Variants in PIAS1 observed in about 807,000 individuals in gnomAD.
PIAS1 encodes E3 SUMO-protein ligase PIAS1.
In PIAS1, 6 loss-of-function variants were observed where a neutral mutation model predicts 71.3. The observed-to-expected ratio is 0.08, with a 90% CI of 0.05 to 0.17. The LOEUF (loss-of-function observed/expected upper bound fraction) is 0.17. Among genes scored for constraint, PIAS1 ranks in the 10% least tolerant of loss-of-function variants. The pLI is 1.00. For missense variants in PIAS1, 555 were observed against 793.6 expected (o/e 0.70, Z 3.61); for synonymous variants, 303 against 292.9 (o/e 1.03, Z -0.35).
intron 8 of PIAS1, among the ~76,000 whole-genome samples, chr15:68,169,757 T>C (rs2092979402): frequency 2.0e-5 from 3 of 152,206 alleles, no homozygotes; most frequent in African/African-American, 4.8e-5. Context: ...AAAGCAAATA[T>C]GTTTCTGTAC....
intron 1 of PIAS1, among the ~76,000 whole-genome samples, chr15:68,058,421 G>T (rs749627087): frequency 4.6e-5 from 7 of 152,150 alleles, no homozygotes; most frequent in Non-Finnish European, 7.4e-5. Flanking sequence ...TATAGATAGA[G>T]AAAGTGAGCC....
chr15:68,122,639 G>C (rs965113728), intron 2 of PIAS1, among the ~76,000 whole-genome samples: 5 of 151,934 alleles, frequency 3.3e-5, no homozygotes, highest in African/African-American at 9.7e-5. Context: ...ATTTTATTTT[G>C]GTTGGTTTTA....
At chr15:68,062,692 CTG>C (rs1190585911) in intron 1 of PIAS1, among the ~76,000 whole-genome samples, 1 of 152,044 alleles carries the variant, frequency 6.6e-6, no homozygotes, top group East Asian at 1.9e-4. Flanking sequence ...ATGTGTATGT[CTG>C]TATAATATTT....
intron 7 of PIAS1, among the ~76,000 whole-genome samples, chr15:68,161,401 T>A (rs1386313500): frequency 1.3e-5 from 2 of 151,932 alleles, no homozygotes; most frequent in Non-Finnish European, 2.9e-5. Context: ...TCCAGTCTAA[T>A]CAAGATCCCG....
chr15:68,130,995 A>G (rs914226457), intron 2 of PIAS1, among the ~76,000 whole-genome samples: 3 of 152,168 alleles, frequency 2.0e-5, no homozygotes, highest in South Asian at 2.1e-4. Context: ...CTCTAGGGTT[A>G]TATTACCTAG....
At chr15:68,084,900 C>T (rs1273715474) in intron 1 of PIAS1, among the ~76,000 whole-genome samples, 1 of 152,152 alleles carries the variant, frequency 6.6e-6, no homozygotes, top group Non-Finnish European at 1.5e-5. Context: ...CCTACCAAGG[C>T]TAATGGCCAA....
intron 1 of PIAS1, among the ~76,000 whole-genome samples, chr15:68,064,466 G>C (rs768111385): frequency 2.0e-5 from 3 of 152,166 alleles, no homozygotes; most frequent in Non-Finnish European, 4.4e-5. Context: ...ACCAATGCAT[G>C]ATATTACAAA....
intron 1 of PIAS1, among the ~76,000 whole-genome samples, chr15:68,073,155 A>G (rs2092119167): frequency 6.6e-6 from 1 of 152,178 alleles, no homozygotes; most frequent in East Asian, 1.9e-4. Context: ...AGCTGGGACT[A>G]CAGGTACCTG....
intron 1 of PIAS1, among the ~76,000 whole-genome samples, chr15:68,056,139 T>C (rs2091893535): frequency 6.6e-6 from 1 of 152,246 alleles, no homozygotes; most frequent in Non-Finnish European, 1.5e-5. Flanking sequence ...TTAGAGTCAC[T>C]ATGTTGCTGT....
chr15:68,112,235 G>T (rs919618285), intron 2 of PIAS1, among the ~76,000 whole-genome samples: 1 of 151,970 alleles, frequency 6.6e-6, no homozygotes, highest in Non-Finnish European at 1.5e-5. Context: ...CTTATTCAAG[G>T]ATATTGCTTA....
chr15:68,144,259 A>G (rs2092792757), intron 4 of PIAS1, among the ~76,000 whole-genome samples: 1 of 152,078 alleles, frequency 6.6e-6, no homozygotes, highest in Non-Finnish European at 1.5e-5. Flanking sequence ...TTAAGTTAGG[A>G]GTGTATGCCT....
intron 1 of PIAS1, among the ~76,000 whole-genome samples, chr15:68,065,915 C>CTTTTTTTTTTTTTTTTTTTTTTTTTTT (rs869104577): frequency 2.5e-5 from 1 of 40,174 alleles, no homozygotes; most frequent in Admixed American, 4.4e-4. Context: ...TGACTAAAAG[C>CTTTTTTTTTTTTTTTTTTTTTTTTTTT]TTTTTTTTTT....
chr15:68,091,165 C>T (rs965078049), intron 2 of PIAS1, among the ~76,000 whole-genome samples: 9 of 151,942 alleles, frequency 5.9e-5, no homozygotes, highest in Admixed American at 1.3e-4. Flanking sequence ...GTGAAATTTA[C>T]ATAATTATGA....
At chr15:68,154,942 A>G (rs918606053) in intron 7 of PIAS1, among the ~76,000 whole-genome samples, 2 of 152,240 alleles carry the variant, frequency 1.3e-5, no homozygotes, top group African/African-American at 4.8e-5. Context: ...ATTCCTGGTC[A>G]TTCTACTGAG....
intron 8 of PIAS1, among the ~76,000 whole-genome samples, chr15:68,166,042 A>G (rs961541770): frequency 1.3e-5 from 2 of 152,176 alleles, no homozygotes; most frequent in African/African-American, 4.8e-5. Context: ...GTCTTTTGTA[A>G]TTTATGAAAC....
chr15:68,055,987 A>G, intron 1 of PIAS1: 1 of 688,076 alleles, frequency 1.5e-6, no homozygotes, highest in South Asian at 1.5e-5. Context: ...GCAGATTTAC[A>G]ATGGATGGTT....
In PIAS1 at chr15:68,086,889, A is replaced by C; in HGVS notation, c.469+139A>C. On this transcript the variant is annotated intron_variant, in intron 2 of 13. Transcript: ENST00000249636. This position sits in a 1 kb window ranked among gnomAD's most constrained non-coding sequence, Gnocchi z 7.2. ...GCTGGATAATAATGAAGATCTTTCA[A>C]ATTTAGATAAAATCAAATATATAAA... 1.7e-6 allele frequency: 1 copy of C among 582,002 alleles called. No homozygotes were observed. The highest frequency in any genetic ancestry group is 3.0e-6 in the Non-Finnish European group (1 of 331,518). The allele number at this position is 582,002 out of a possible 1,614,324, so 36.1% of individuals were successfully genotyped here. A position where few individuals can be genotyped will look rare whatever the true frequency, so the allele number is the denominator to read the frequency against.
chr15:68,116,832 C>T lies in PIAS1; in HGVS notation c.470-25114C>T, dbSNP rs535572426. On this transcript the variant is annotated intron_variant, in intron 2 of 13. Coordinates refer to ENST00000249636, the MANE Select transcript of PIAS1 (RefSeq NM_016166.3). ...AGTTTTCCTTTTGATATCTTTGACC[C>T]AGGGGTTATTTAGAAGTGTAATAGT... Among the ~76,000 whole-genome samples, 3 of 152,038 alleles carry T rather than the reference C, an allele frequency of 2.0e-5. No homozygotes were observed. In the South Asian group the frequency reaches 6.2e-4, roughly 32 times the overall value.
rs1474688713 is a variant in PIAS1 at position 68,101,336 on chromosome 15, T to G, written c.469+14586T>G. Among the ~76,000 whole-genome samples the G allele has an allele frequency of 5.3e-5, 8 of 151,538 alleles. No individual in the cohort carries two copies. The South Asian group carries it at 1.2e-3, about 24-fold the overall frequency. ...TTTGTCTTTTCTAATTGCAGTGTTT[T>G]TTTTTTTTTTTTAACTTATGAGTTT... On this transcript the variant is annotated intron_variant, in intron 2 of 13. Coordinates refer to ENST00000249636, the MANE Select transcript of PIAS1 (RefSeq NM_016166.3).
Sources: gnomAD v4.1 joint callset for allele counts (sites outside exome capture counted in the v4.1 genomes callset) on GRCh38, gnomAD v4.1.1 for gene constraint, Gnocchi (gnomAD v3.1) non-coding constraint, MANE v1.5 for transcripts, NCBI Gene and HGNC (gene_info 2026-07-23, HGNC 2026-07-21) for gene names.